RNF217: variants seen among roughly 807,000 people sequenced by gnomAD.
RNF217 encodes the protein E3 ubiquitin-protein ligase RNF217.
RNF217 carries 31 observed loss-of-function variants against 57.8 expected under a neutral mutation model. The observed-to-expected ratio is 0.54, with a 90% CI of 0.40 to 0.72. The LOEUF (loss-of-function observed/expected upper bound fraction) is 0.72, where lower values mean the gene tolerates loss of function less well. Ranked by LOEUF, RNF217 falls within the 30% of genes least tolerant of loss-of-function variation. The pLI is 0.00. For missense variants in RNF217, 696 were observed against 708.3 expected (o/e 0.98, Z 0.20); for synonymous variants, 313 against 294.0 (o/e 1.06, Z -0.66).
chr6:125,067,470 A>G (rs555982182), intron 3 of RNF217, among the ~76,000 whole-genome samples: 8 of 152,334 alleles, frequency 5.3e-5, no homozygotes, highest in African/African-American at 1.9e-4. Context: ...AAAGAACTAG[A>G]TAAATATTAT....
chr6:125,020,497 A>G (rs1785795335), intron 1 of RNF217, among the ~76,000 whole-genome samples: 2 of 152,054 alleles, frequency 1.3e-5, no homozygotes, highest in African/African-American at 4.8e-5. Context: ...GCTGGAGCCT[A>G]GTCATCCAGA....
intron 1 of RNF217, among the ~76,000 whole-genome samples, chr6:125,018,198 T>C (rs1331131376): frequency 6.6e-6 from 1 of 152,210 alleles, no homozygotes; most frequent in East Asian, 1.9e-4. Flanking sequence ...CACTGTTTTA[T>C]ATCTGTATCT....
At chr6:125,050,015 G>T (rs1455319971) in intron 2 of RNF217, among the ~76,000 whole-genome samples, 3 of 151,916 alleles carry the variant, frequency 2.0e-5, no homozygotes, top group Admixed American at 6.6e-5. Context: ...GATTGTCATT[G>T]AACTTACGAA....
At chr6:124,992,576 A>G (rs958100727) in intron 1 of RNF217, among the ~76,000 whole-genome samples, 3 of 152,142 alleles carry the variant, frequency 2.0e-5, no homozygotes, top group African/African-American at 7.2e-5. Flanking sequence ...TAGAATAGTG[A>G]GAAGAGGGGA....
intron 3 of RNF217, among the ~76,000 whole-genome samples, chr6:125,066,524 T>C (rs138388970): frequency 9.9e-4 from 151 of 152,282 alleles, no homozygotes; most frequent in African/African-American, 3.4e-3. Context: ...ACCACAGATG[T>C]GTGCACTGCC....
At chr6:125,058,947 C>T (rs1210867152) in intron 3 of RNF217, among the ~76,000 whole-genome samples, 1 of 152,144 alleles carries the variant, frequency 6.6e-6, no homozygotes, top group African/African-American at 2.4e-5. Context: ...ATCTTTTAAG[C>T]ACAATTCTGC....
At chr6:125,062,863 CT>C (rs1471571476) in intron 3 of RNF217, among the ~76,000 whole-genome samples, 4 of 152,204 alleles carry the variant, frequency 2.6e-5, no homozygotes, top group Non-Finnish European at 5.9e-5. Flanking sequence ...GCGTGAGCCA[CT>C]GCCTCATTGC....
At chr6:124,983,807 C>G (rs1784265843) in intron 1 of RNF217, among the ~76,000 whole-genome samples, 1 of 152,148 alleles carries the variant, frequency 6.6e-6, no homozygotes, top group South Asian at 2.1e-4. Context: ...TTAGTCTGTG[C>G]TGCTACAACA....
At chr6:125,026,165 C>T (rs1582723832) in intron 1 of RNF217, among the ~76,000 whole-genome samples, 1 of 152,170 alleles carries the variant, frequency 6.6e-6, no homozygotes, top group East Asian at 1.9e-4. Context: ...TAAGAATTCT[C>T]AGTGGCCGCT....
chr6:125,057,049 T>A (rs1787552218), intron 2 of RNF217, among the ~76,000 whole-genome samples: 1 of 152,234 alleles, frequency 6.6e-6, no homozygotes, highest in African/African-American at 2.4e-5. Flanking sequence ...TTTCTAATAA[T>A]AGAATGCTTT....
intron 1 of RNF217, among the ~76,000 whole-genome samples, chr6:124,997,672 G>A (rs1340146356): frequency 2.0e-5 from 3 of 152,140 alleles, no homozygotes; most frequent in South Asian, 2.1e-4. Flanking sequence ...AGCCTGTGGC[G>A]ATGAGATACC....
chr6:125,060,711 C>G (rs1477323196), intron 3 of RNF217, among the ~76,000 whole-genome samples: 1 of 152,088 alleles, frequency 6.6e-6, no homozygotes, highest in Non-Finnish European at 1.5e-5. Context: ...TCCCAAAGTG[C>G]TGGAATTACA....
intron 2 of RNF217, among the ~76,000 whole-genome samples, chr6:125,047,954 A>G (rs1787157767): frequency 6.6e-6 from 1 of 152,028 alleles, no homozygotes; most frequent in African/African-American, 2.4e-5. Context: ...AGAAGAGAAG[A>G]TCGATAACAG....
At chr6:125,053,702 CT>C (rs2114570903) in intron 2 of RNF217, among the ~76,000 whole-genome samples, 1 of 152,154 alleles carries the variant, frequency 6.6e-6, no homozygotes, top group African/African-American at 2.4e-5. Flanking sequence ...AGTCGGCGTA[CT>C]TTCATCTCAG....
chr6:125,032,718 A>G (rs1325592721), intron 1 of RNF217, among the ~76,000 whole-genome samples: 1 of 152,162 alleles, frequency 6.6e-6, no homozygotes, highest in Non-Finnish European at 1.5e-5. Flanking sequence ...ATGAACTATG[A>G]TCATTTTTGA....
chr6:125,009,363 C>A (rs1254771449), intron 1 of RNF217: 2 of 900,924 alleles, frequency 2.2e-6, no homozygotes, highest in Non-Finnish European at 3.7e-6. Context: ...TCCTGTGAAG[C>A]CCTCTCACAG....
chr6:124,987,065 A>G (rs796193753), intron 1 of RNF217, among the ~76,000 whole-genome samples: 10 of 152,294 alleles, frequency 6.6e-5, no homozygotes, highest in African/African-American at 2.4e-4. Context: ...GCATGTATGC[A>G]CATTCATAAT....
intron 1 of RNF217, among the ~76,000 whole-genome samples, chr6:125,000,764 T>C (rs1289411540): frequency 1.3e-5 from 2 of 152,112 alleles, no homozygotes; most frequent in African/African-American, 4.8e-5. Flanking sequence ...AAGTTCATAG[T>C]CTAGCAGTGT....
intron 1 of RNF217, among the ~76,000 whole-genome samples, chr6:124,977,263 A>T (rs1036917831): frequency 5.3e-5 from 8 of 152,250 alleles, no homozygotes; most frequent in Non-Finnish European, 1.5e-5. Flanking sequence ...TACTTGACAG[A>T]TGAGACACCA....
Sources: gnomAD v4.1 joint callset for allele counts (sites outside exome capture counted in the v4.1 genomes callset) on GRCh38, gnomAD v4.1.1 for gene constraint, MANE v1.5 for transcripts, NCBI Gene and HGNC (gene_info 2026-07-23, HGNC 2026-07-21) for gene names.